Variants in SLCO4A1 observed in about 807,000 individuals in gnomAD.
SLCO4A1 encodes solute carrier organic anion transporter family member 4A1.
In SLCO4A1, 51 loss-of-function variants were observed where a neutral mutation model predicts 64.6. That is an observed-to-expected ratio of 0.79 (90% CI 0.63 to 1.00). SLCO4A1 has a LOEUF of 1.00. SLCO4A1 is among the 50% of genes least tolerant of loss of function. SLCO4A1 has a pLI of 0.00. For synonymous variants in SLCO4A1, 471 were observed against 444.9 expected (o/e 1.06, Z -0.74); for missense variants, 919 against 980.5 (o/e 0.94, Z 0.84).
chr20:62,673,771 C>T (rs930490618), downstream of SLCO4A1, among the ~76,000 whole-genome samples: 5 of 102,974 alleles, frequency 4.9e-5, 1 homozygote, highest in Non-Finnish European at 1.0e-4. Context: ...CAAGAGGGGA[C>T]GACACCCTGT....
chr20:62,665,130 G>A (rs1424966304), intron 6 of SLCO4A1, 42 bp downstream of exon 6: 1 of 1,573,810 alleles, frequency 6.4e-7, no homozygotes, highest in African/African-American at 1.4e-5. Flanking sequence ...TTTTATGTCA[G>A]TTCTCAGAAA....
In SLCO4A1 at chr20:62,661,041, C is replaced by CCCCCCCCCCCCCCCCACA; in HGVS notation, c.1010-23_1010-22insCCCCCCCCCCCCCCCACA. 3.4e-5 allele frequency: 49 copies of CCCCCCCCCCCCCCCCACA among 1,424,100 alleles called. No homozygotes were observed. Among genetic ancestry groups the CCCCCCCCCCCCCCCCACA allele is most frequent in the Non-Finnish European group, 4.6e-5 (46 of 1,010,106 alleles). 88.2% of individuals were successfully genotyped at this position (1,424,100 alleles called of 1,614,324 possible). A position where few individuals can be genotyped will look rare whatever the true frequency, so the allele number is the denominator to read the frequency against. On this transcript the variant is annotated intron_variant, in intron 4 of 11. Coordinates refer to ENST00000217159, the MANE Select transcript of SLCO4A1 (RefSeq NM_016354.4). The surrounding 1 kb of genome is among the most constrained non-coding windows in gnomAD (Gnocchi z 5.2). ...TCCGGGAGCCCCCAGCCCCCAGCCC[C>CCCCCCCCCCCCCCCCACA]AGCTCACTCTGTGCCCTTCCAGGCT...
intron 2 of SLCO4A1, among the ~76,000 whole-genome samples, chr20:62,681,729 A>G (rs1987842722): frequency 6.6e-6 from 1 of 152,158 alleles, no homozygotes; most frequent in Non-Finnish European, 1.5e-5. Context: ...ATCCCTTTGT[A>G]TATTTGTTAG....
At chr20:62,648,268 G>C (rs983145249) in intron 1 of SLCO4A1, among the ~76,000 whole-genome samples, 3 of 152,248 alleles carry the variant, frequency 2.0e-5, no homozygotes, top group African/African-American at 7.2e-5. Flanking sequence ...CCGGAGGGGC[G>C]GGGTGGTTTG....
At chr20:62,664,193 G>A (rs1009976222) in intron 5 of SLCO4A1, among the ~76,000 whole-genome samples, 2 of 152,058 alleles carry the variant, frequency 1.3e-5, no homozygotes, top group Non-Finnish European at 2.9e-5. Context: ...ACGGCTCAGA[G>A]TTCCCACAGT....
intron 7 of SLCO4A1, among the ~76,000 whole-genome samples, chr20:62,667,020 T>G (rs1384413982): frequency 1.3e-5 from 2 of 152,220 alleles, no homozygotes; most frequent in Non-Finnish European, 2.9e-5. Flanking sequence ...GTAGGTAGCC[T>G]GCACCTCGGC....
intron 2 of SLCO4A1, 26 bp from the exon 3 acceptor site, chr20:62,658,651 C>T (rs764465748): frequency 4.4e-6 from 7 of 1,590,570 alleles, no homozygotes; most frequent in Non-Finnish European, 6.0e-6. Flanking sequence ...TGCACAGCGG[C>T]CCTGACGCCT....
intron 11 of SLCO4A1, among the ~76,000 whole-genome samples, chr20:62,670,491 C>G (rs1376296053): frequency 6.6e-6 from 1 of 152,228 alleles, no homozygotes; most frequent in African/African-American, 2.4e-5. Flanking sequence ...TCAGCTCTGC[C>G]AATGGGAAGC....
rs1255084264 is a variant in SLCO4A1 at position 62,666,526 on chromosome 20, C to T, written c.1423C>T (p.His475Tyr). 1 of 1,613,286 alleles carries T rather than the reference C, an allele frequency of 6.2e-7. No individual in the cohort carries two copies. Among genetic ancestry groups the T allele is most frequent in the African/African-American group, 1.3e-5 (1 of 74,948 alleles). Residue 475 changes from histidine (H) to tyrosine (Y), a missense_variant, in exon 7 of 12, where the codon CAC becomes TAC. By Grantham distance (83) the His-to-Tyr change is moderately conservative. Transcript: ENST00000217159. ...GCTGGGCATCCTCGTCTTCTCACTG[C>T]ACTGCCCCAGTGTGCCCATGGCGGG... ...SLLGILVFSL[H>Y]CPSVPMAGVT...
At chr20:62,688,003 C>T (rs1395606345), downstream of SLCO4A1, among the ~76,000 whole-genome samples, 4 of 151,860 alleles carry the variant, frequency 2.6e-5, no homozygotes, top group Non-Finnish European at 5.9e-5. Context: ...CCTTCCAGGT[C>T]CCAGCACCAC....
chr20:62,688,566 C>T (rs1227455873), downstream of SLCO4A1, among the ~76,000 whole-genome samples: 1 of 152,242 alleles, frequency 6.6e-6, no homozygotes, highest in Non-Finnish European at 1.5e-5. Flanking sequence ...TGAGTAAGAG[C>T]AGCAGCTCAG....
downstream of SLCO4A1, among the ~76,000 whole-genome samples, chr20:62,687,311 G>C (rs532038036): frequency 2.0e-5 from 3 of 152,102 alleles, no homozygotes; most frequent in African/African-American, 7.2e-5. Flanking sequence ...ACACAGCCAC[G>C]GGAGACACAG....
intron 7 of SLCO4A1, 88 bp downstream of exon 7, chr20:62,666,663 G>C: frequency 1.7e-6 from 2 of 1,201,894 alleles, no homozygotes; most frequent in Non-Finnish European, 2.4e-6. Flanking sequence ...CAGCACTTGG[G>C]AGAGGTGGTT....
chr20:62,661,085 TGA>T lies in SLCO4A1; in HGVS notation c.1035_1036del (p.Arg345SerfsTer207). The stretch of plus-strand genomic sequence containing the variant: ...CCAGGCTCCCAGCGCTACGCGGTCA[TGA>T]GAGCGGCGGAAATGCACCAGTTGAA... On this transcript the variant is annotated frameshift_variant, in exon 5 of 12. Transcript: ENST00000217159. LOFTEE classifies it high-confidence loss of function. The surrounding 1 kb of genome is among the most constrained non-coding windows in gnomAD (Gnocchi z 5.2). The T allele has an allele frequency of 7.0e-7, 1 of 1,430,218 alleles. No individual in the cohort carries two copies. Among genetic ancestry groups the T allele is most frequent in the South Asian group, 1.1e-5 (1 of 88,600 alleles). 88.6% of individuals were successfully genotyped at this position (1,430,218 alleles called of 1,614,324 possible).
intron 1 of SLCO4A1, among the ~76,000 whole-genome samples, chr20:62,654,620 C>G (rs953208750): frequency 1.3e-5 from 2 of 152,264 alleles, no homozygotes. Context: ...TGGCCCCGGC[C>G]TCAGCCTGAT....
chr20:62,646,158 T>A (rs1395474066), intron 1 of SLCO4A1, among the ~76,000 whole-genome samples: 1 of 152,024 alleles, frequency 6.6e-6, no homozygotes, highest in Admixed American at 6.5e-5. Flanking sequence ...GGGGGTCAGG[T>A]TTGAGCCCCT....
chr20:62,647,484 C>T (rs1981563510), intron 1 of SLCO4A1, among the ~76,000 whole-genome samples: 1 of 152,206 alleles, frequency 6.6e-6, no homozygotes, highest in South Asian at 2.1e-4. Context: ...GGCCTGGAAG[C>T]CGGGACTGGG....
chr20:62,675,763 C>T (rs770703412), downstream of SLCO4A1, among the ~76,000 whole-genome samples: 58 of 152,350 alleles, frequency 3.8e-4, no homozygotes, highest in South Asian at 6.2e-4. Context: ...GCCCTGGATA[C>T]GCCCTCGGCT....
chr20:62,668,396 C>G lies in SLCO4A1; in HGVS notation c.1812-81C>G, dbSNP rs1049487621. ...GGTGATGATGTGGCTGGGGACTGGTCCAGGAGGCCACTGGCCTAGGGGGTG... is the reference window on the plus strand; with the variant it reads ...GGTGATGATGTGGCTGGGGACTGGTGCAGGAGGCCACTGGCCTAGGGGGTG... On this transcript the variant is annotated intron_variant, in intron 9 of 11. Transcript: ENST00000217159. 3 of 1,454,404 alleles carry G rather than the reference C, an allele frequency of 2.1e-6. No homozygotes were observed. In the African/African-American group the frequency reaches 4.2e-5, roughly 20 times the overall value. 90.1% of individuals were successfully genotyped at this position (1,454,404 alleles called of 1,614,324 possible). A position where few individuals can be genotyped will look rare whatever the true frequency, so the allele number is the denominator to read the frequency against.
Sources: gnomAD v4.1 joint callset for allele counts (sites outside exome capture counted in the v4.1 genomes callset) on GRCh38, gnomAD v4.1.1 for gene constraint, Gnocchi (gnomAD v3.1) non-coding constraint, MANE v1.5 for transcripts, NCBI Gene and HGNC (gene_info 2026-07-23, HGNC 2026-07-21) for gene names.